Variants in PRPSAP2 observed in about 807,000 individuals in gnomAD.
PRPSAP2 encodes the protein phosphoribosyl pyrophosphate synthetase associated protein 2.
PRPSAP2 carries 24 observed loss-of-function variants against 40.6 expected under a neutral mutation model. The observed-to-expected ratio is 0.59, with a 90% CI of 0.43 to 0.83. The LOEUF is 0.83. Ranked by LOEUF, PRPSAP2 falls within the 40% of genes least tolerant of loss-of-function variation. The pLI, the probability that PRPSAP2 is intolerant of heterozygous loss-of-function variation, is 0.00. For synonymous variants in PRPSAP2, 149 were observed against 164.7 expected, an observed-to-expected ratio of 0.90 and a Z score of 0.73; for missense variants, 292 against 465.6, an observed-to-expected ratio of 0.63 and a Z score of 3.43.
At chr17:18,872,105 C>G (rs1489302464) in intron 4 of PRPSAP2, among the ~76,000 whole-genome samples, 1 of 151,982 alleles carries the variant, frequency 6.6e-6, no homozygotes, top group African/African-American at 2.4e-5. Flanking sequence ...CCTGTCTCTA[C>G]TAAAAAAATA....
intron 8 of PRPSAP2, among the ~76,000 whole-genome samples, chr17:18,910,158 A>T (rs942239019): frequency 6.6e-6 from 1 of 151,988 alleles, no homozygotes; most frequent in African/African-American, 2.4e-5. Context: ...AGTGGCTCAC[A>T]CCTGTAATCC....
intron 9 of PRPSAP2, among the ~76,000 whole-genome samples, chr17:18,918,195 A>G (rs2041477578): frequency 6.6e-6 from 1 of 152,132 alleles, no homozygotes; most frequent in Non-Finnish European, 1.5e-5. Context: ...GCAGGGGTTA[A>G]ATCTCCTAAG....
intron 8 of PRPSAP2, among the ~76,000 whole-genome samples, chr17:18,897,169 G>A (rs1208679046): frequency 6.6e-6 from 1 of 151,914 alleles, no homozygotes; most frequent in Non-Finnish European, 1.5e-5. Flanking sequence ...TATTGCCCAG[G>A]CTGGTCTCCA....
intron 8 of PRPSAP2, among the ~76,000 whole-genome samples, chr17:18,906,988 T>C (rs543516336): frequency 6.6e-6 from 1 of 152,026 alleles, no homozygotes; most frequent in African/African-American, 2.4e-5. Context: ...TACTTTCTAG[T>C]GCCCTGCTCT....
At chr17:18,912,116 A>G (rs1326030876) in intron 9 of PRPSAP2, among the ~76,000 whole-genome samples, 1 of 151,470 alleles carries the variant, frequency 6.6e-6, no homozygotes, top group Non-Finnish European at 1.5e-5. Context: ...CGGGAGACAG[A>G]GGTTGTGGTG....
chr17:18,886,247 C>T (rs1456135064), intron 7 of PRPSAP2, among the ~76,000 whole-genome samples: 2 of 152,170 alleles, frequency 1.3e-5, no homozygotes, highest in Admixed American at 6.6e-5. Flanking sequence ...TTGATGCTGA[C>T]GCTTTCTCCA....
intron 8 of PRPSAP2, chr17:18,908,473 G>T (rs1861993582): frequency 7.9e-6 from 6 of 760,052 alleles, no homozygotes; most frequent in Non-Finnish European, 1.5e-5. Flanking sequence ...AATGGAAGGA[G>T]TGAGGCACCG....
At chr17:18,867,387 T>C in intron 4 of PRPSAP2, 53 bp downstream of exon 4, 1 of 1,564,996 alleles carries the variant, frequency 6.4e-7, no homozygotes, top group Non-Finnish European at 8.8e-7. Context: ...ATGTGGCATA[T>C]TGGCTCCGTC....
intron 4 of PRPSAP2, among the ~76,000 whole-genome samples, chr17:18,869,694 T>TA (rs1299008681): frequency 1.3e-5 from 2 of 150,768 alleles, no homozygotes; most frequent in African/African-American, 4.9e-5. Context: ...TTTTTTTTGA[T>TA]ACGGGGCTTT....
At chr17:18,910,817 C>T (rs1471305906) in intron 8 of PRPSAP2, among the ~76,000 whole-genome samples, 1 of 152,164 alleles carries the variant, frequency 6.6e-6, no homozygotes, top group East Asian at 1.9e-4. Flanking sequence ...TGAGACAGAG[C>T]TGAGCGGAGG....
At position 18,911,879 on chromosome 17, in the gene PRPSAP2, C is replaced by T. The variant is rs932769034; in HGVS notation, c.733+628C>T. On this transcript the variant is annotated intron_variant, in intron 9 of 11. Coordinates refer to ENST00000268835, the MANE Select transcript of PRPSAP2 (RefSeq NM_002767.4). The surrounding 1 kb of genome is among the most constrained non-coding windows in gnomAD (Gnocchi z 4.5). Reference sequence around the variant, plus strand: ...GAGGCTGTGAAGGTCAAGATAAAGGCGCCAGCACTGACCCCGTGATGGGCC... The same window carrying T: ...GAGGCTGTGAAGGTCAAGATAAAGGTGCCAGCACTGACCCCGTGATGGGCC... Among the ~76,000 whole-genome samples, 5 of 152,194 alleles carry T rather than the reference C, an allele frequency of 3.3e-5. No homozygotes were observed. The highest frequency in any genetic ancestry group is 6.5e-5 in the Admixed American group (1 of 15,276).
At chr17:18,921,437 T>A (rs897359280) in intron 9 of PRPSAP2, among the ~76,000 whole-genome samples, 2 of 152,186 alleles carry the variant, frequency 1.3e-5, no homozygotes, top group Admixed American at 6.6e-5. Flanking sequence ...AAAAGTCACT[T>A]CAGTTCTGGA....
intron 8 of PRPSAP2, among the ~76,000 whole-genome samples, chr17:18,895,059 GT>G (rs1446333608): frequency 2.1e-5 from 3 of 143,752 alleles, no homozygotes; most frequent in Admixed American, 7.0e-5. Context: ...GAGTTTTGTA[GT>G]TTTCCCCATA....
chr17:18,918,191 G>T (rs1023898225), intron 9 of PRPSAP2, among the ~76,000 whole-genome samples: 1 of 152,120 alleles, frequency 6.6e-6, no homozygotes, highest in Non-Finnish European at 1.5e-5. Context: ...CTGGGCAGGG[G>T]TTAAATCTCC....
chr17:18,904,230 A>G (rs983974191), intron 8 of PRPSAP2: 15 of 152,144 alleles, frequency 9.9e-5, no homozygotes, highest in African/African-American at 3.6e-4. Context: ...AAATACCATT[A>G]TGTAGAATGG....
chr17:18,889,790 T>C (rs1489212460), intron 7 of PRPSAP2, 32 bp from the exon 8 acceptor site: 7 of 1,544,106 alleles, frequency 4.5e-6, no homozygotes, highest in Middle Eastern at 1.7e-4. Flanking sequence ...TTTGTTGACA[T>C]GCAGTAATAC....
chr17:18,912,009 C>A (rs547230438), intron 9 of PRPSAP2, among the ~76,000 whole-genome samples: 2 of 152,102 alleles, frequency 1.3e-5, no homozygotes, highest in African/African-American at 2.4e-5. Flanking sequence ...ATGGAGAAAC[C>A]CCCTCTCTAC....
At chr17:18,919,584 T>C (rs1182493022) in intron 9 of PRPSAP2, among the ~76,000 whole-genome samples, 2 of 152,076 alleles carry the variant, frequency 1.3e-5, no homozygotes, top group Non-Finnish European at 2.9e-5. Context: ...AAGGATCACT[T>C]GAACCCAGGA....
intron 9 of PRPSAP2, among the ~76,000 whole-genome samples, chr17:18,915,278 A>AAGT (rs1221902513): frequency 6.6e-6 from 1 of 152,064 alleles, no homozygotes; most frequent in Non-Finnish European, 1.5e-5. Context: ...CTTCCACCTC[A>AAGT]GCCTCCCAAA....
Sources: allele counts gnomAD v4.1 joint callset (sites outside exome capture counted in the v4.1 genomes callset), GRCh38; gene constraint gnomAD v4.1.1; non-coding constraint Gnocchi (gnomAD v3.1); transcripts MANE v1.5; gene names NCBI Gene and HGNC (gene_info 2026-07-23, HGNC 2026-07-21).